Variants in SH3PXD2B observed in about 807,000 individuals in gnomAD.
The protein encoded by SH3PXD2B is SH3 and PX domain-containing protein 2B.
Under a neutral mutation model 73.1 loss-of-function variants are expected in SH3PXD2B, and 37 were observed. The ratio of observed to expected loss-of-function variants is 0.51; its 90% CI spans 0.39 to 0.67. SH3PXD2B has a LOEUF of 0.67. SH3PXD2B is among the 30% of genes least tolerant of loss of function. The probability of loss-of-function intolerance (pLI) is 0.00; values close to 1 mark genes in which losing one functional copy is unlikely to be tolerated. For synonymous variants in SH3PXD2B, 457 were observed against 480.5 expected (o/e 0.95, Z 0.64); for missense variants, 1,053 against 1,197.8 (o/e 0.88, Z 1.78).
chr5:172,343,746 A>C (rs575810976), intron 12 of SH3PXD2B, among the ~76,000 whole-genome samples: 1 of 152,184 alleles, frequency 6.6e-6, no homozygotes, highest in South Asian at 2.1e-4. Context: ...TGGAGGTTGC[A>C]GCGAGCCAAG....
chr5:172,395,553 C>G (rs1758274884), intron 3 of SH3PXD2B, among the ~76,000 whole-genome samples: 2 of 152,146 alleles, frequency 1.3e-5, no homozygotes, highest in Admixed American at 6.5e-5. Flanking sequence ...CACTGAAGAT[C>G]TCTGGAAATA....
chr5:172,396,651 TA>T (rs1343019694), intron 3 of SH3PXD2B, among the ~76,000 whole-genome samples: 1 of 146,988 alleles, frequency 6.8e-6, no homozygotes, highest in Non-Finnish European at 1.5e-5. Context: ...TTTCACCAAT[TA>T]AAAAAATATC....
At chr5:172,358,667 CGCAGAG>C (rs1757332660) in intron 8 of SH3PXD2B, 100 bp downstream of exon 8, 2 of 1,035,422 alleles carry the variant, frequency 1.9e-6, no homozygotes, top group Admixed American at 2.0e-5. Flanking sequence ...GCTGCTGAGA[CGCAGAG>C]GCAGAGGCCA....
chr5:172,450,617 A>T (rs1759773567), intron 1 of SH3PXD2B, among the ~76,000 whole-genome samples: 1 of 152,054 alleles, frequency 6.6e-6, no homozygotes, highest in African/African-American at 2.4e-5. Flanking sequence ...TCCTCTTAAC[A>T]TTTAAAGATC....
intron 2 of SH3PXD2B, among the ~76,000 whole-genome samples, chr5:172,422,085 C>A (rs1386356618): frequency 6.6e-6 from 1 of 151,924 alleles, no homozygotes; most frequent in Non-Finnish European, 1.5e-5. Flanking sequence ...ACCTCTGCCT[C>A]CCGGGTTCAA....
In SH3PXD2B at chr5:172,443,193, T is replaced by C. The variant is rs540851140; in HGVS notation, c.75+11085A>G. On this transcript the variant is annotated intron_variant, in intron 1 of 12. Transcript: ENST00000311601. ...ACCGTAACTTGGAAATAGTAAGGAG[T>C]ATAGATGCTCTCCAGGCATCCACGC... 1.8e-4 allele frequency among the ~76,000 whole-genome samples: 28 copies of C among 152,220 alleles called. No individual in the cohort carries two copies. The South Asian group carries it at 5.2e-3, about 28-fold the overall frequency.
At chr5:172,327,292 A>T (rs1016878818) in intron 12 of SH3PXD2B, among the ~76,000 whole-genome samples, 4 of 152,208 alleles carry the variant, frequency 2.6e-5, no homozygotes, top group South Asian at 2.1e-4. Context: ...TGAGAAAGGC[A>T]CTATTGTCCC....
rs556571755 is a variant in SH3PXD2B at position 172,402,283 on chromosome 5, G to A, written c.232+3994C>T. On this transcript the variant is annotated intron_variant, in intron 3 of 12. Coordinates refer to ENST00000311601, the MANE Select transcript of SH3PXD2B (RefSeq NM_001017995.3). ...CTGCCTCATAAATTTTGGTCAGACC[G>A]TTGTCTGCTCTCAAACCCTGTCTCC... 2.0e-4 allele frequency among the ~76,000 whole-genome samples: 31 copies of A among 152,256 alleles called. No individual in the cohort carries two copies. In the South Asian group the frequency reaches 4.1e-3, roughly 20 times the overall value.
chr5:172,350,534 C>G lies in SH3PXD2B; in HGVS notation c.841G>C (p.Glu281Gln), dbSNP rs1757138454. 6.2e-7 allele frequency: 1 copy of G among 1,613,752 alleles called. No homozygotes were observed. The highest frequency in any genetic ancestry group is 8.5e-7 in the Non-Finnish European group (1 of 1,179,934). ...PASYLKKNSG[E>Q]PLPPKPGPGS... ...GGGCCTGGCTTCGGGGGCAAGGGCT[C>G]CCCACTGTTCTTCTTTAGGTAGGAG... The change falls in exon 10 of 13, where the codon GAG (glutamate) becomes CAG (glutamine). Residue 281 changes from glutamate (E) to glutamine (Q), a missense_variant. Physicochemically the swap from Glu to Gln is conservative, Grantham distance 29 (BLOSUM62 2). Transcript: ENST00000311601.
chr5:172,373,808 T>C lies in SH3PXD2B; in HGVS notation c.409A>G (p.Ile137Val). The C allele has an allele frequency of 6.2e-7, 1 of 1,614,050 alleles. No homozygotes were observed. Among genetic ancestry groups the C allele is most frequent in the Non-Finnish European group, 8.5e-7 (1 of 1,179,960 alleles). Residue 137 changes from isoleucine (I) to valine (V), a missense_variant, in exon 6 of 13, where the codon ATT (isoleucine) becomes GTT (valine). Transcript: ENST00000311601. The part of the protein sequence containing the change: ...EDLNPPKEEH[I>V]GKKKSGGDQT... ...TTCTTACCAGATTTCTTTTTCCCAA[T>C]GTGCTCCCTGTACAGGAAAGAAAGG... is the stretch of plus-strand genomic sequence containing the variant.
intron 6 of SH3PXD2B, among the ~76,000 whole-genome samples, chr5:172,370,078 G>A (rs1757667208): frequency 1.3e-5 from 2 of 152,072 alleles, no homozygotes; most frequent in South Asian, 2.1e-4. Flanking sequence ...ATCCAGCACA[G>A]GTGTACAACA....
chr5:172,331,096 G>A (rs902232843), downstream of SH3PXD2B, among the ~76,000 whole-genome samples: 4 of 152,230 alleles, frequency 2.6e-5, no homozygotes, highest in African/African-American at 9.6e-5. Context: ...TCAGGAGGCT[G>A]AGGCAGGAGA....
intron 1 of SH3PXD2B, among the ~76,000 whole-genome samples, chr5:172,426,524 T>C (rs930990592): frequency 2.0e-5 from 3 of 152,236 alleles, no homozygotes; most frequent in African/African-American, 7.2e-5. Context: ...CCTGCTTGTC[T>C]AGTACCTTCC....
intron 12 of SH3PXD2B, among the ~76,000 whole-genome samples, chr5:172,341,863 T>G (rs1318004830): frequency 1.3e-5 from 2 of 152,042 alleles, no homozygotes; most frequent in East Asian, 3.9e-4. Context: ...TTCACCGTGT[T>G]AGCCAGGATG....
At chr5:172,399,947 C>T (rs1758389925) in intron 3 of SH3PXD2B, among the ~76,000 whole-genome samples, 1 of 152,124 alleles carries the variant, frequency 6.6e-6, no homozygotes, top group Non-Finnish European at 1.5e-5. Context: ...ATGCCTGGAG[C>T]TACAGATGAC....
intron 10 of SH3PXD2B, among the ~76,000 whole-genome samples, chr5:172,349,098 C>T (rs931251222): frequency 6.6e-6 from 1 of 152,198 alleles, no homozygotes; most frequent in African/African-American, 2.4e-5. Context: ...AACCTCTTGG[C>T]CATGATTGAC....
At chr5:172,410,313 G>A (rs1581317367) in intron 2 of SH3PXD2B, among the ~76,000 whole-genome samples, 2 of 152,160 alleles carry the variant, frequency 1.3e-5, no homozygotes, top group South Asian at 4.1e-4. Context: ...TTTTAAACAT[G>A]TGGTTTTATT....
intron 12 of SH3PXD2B, among the ~76,000 whole-genome samples, chr5:172,344,254 C>T (rs1263079154): frequency 1.3e-5 from 2 of 152,074 alleles, no homozygotes; most frequent in African/African-American, 4.8e-5. Context: ...GGAAGCAAAA[C>T]TGGAGAAGAG....
chr5:172,380,825 T>C (rs2731720), intron 5 of SH3PXD2B, among the ~76,000 whole-genome samples: 55,992 of 151,802 alleles, frequency 0.37, 10,747 homozygotes, highest in East Asian at 0.68. Flanking sequence ...CTGTGTTTAC[T>C]CGCTCCGTGC....
Sources: allele counts gnomAD v4.1 joint callset (sites outside exome capture counted in the v4.1 genomes callset), GRCh38; gene constraint gnomAD v4.1.1; transcripts MANE v1.5; gene names NCBI Gene and HGNC (gene_info 2026-07-23, HGNC 2026-07-21).